The following CAMK4 variants were observed in gnomAD, a reference collection of about 807,000 sequenced individuals.
CAMK4 encodes calcium/calmodulin-dependent protein kinase type IV.
Under a neutral mutation model 44.9 loss-of-function variants are expected in CAMK4, and 22 were observed. That is an observed-to-expected ratio of 0.49 (90% CI 0.35 to 0.70). The LOEUF is 0.70. CAMK4 is among the 30% of genes least tolerant of loss of function. The pLI, the probability that CAMK4 is intolerant of heterozygous loss-of-function variation, is 0.01. For synonymous variants in CAMK4, 218 were observed against 215.4 expected (o/e 1.01, Z -0.11); for missense variants, 498 against 586.8 (o/e 0.85, Z 1.56).
intron 2 of CAMK4, among the ~76,000 whole-genome samples, chr5:111,356,446 T>C (rs1263328881): frequency 1.3e-5 from 2 of 152,254 alleles, no homozygotes; most frequent in South Asian, 4.1e-4. Context: ...TCTCCCATTT[T>C]GTAGGTTGCC....
In CAMK4 at chr5:111,449,161, C is replaced by G. The variant is rs751694743; in HGVS notation, c.583C>G (p.Gln195Glu). 1.9e-6 allele frequency: 3 copies of G among 1,582,690 alleles called. No homozygotes were observed. The highest frequency in any genetic ancestry group is 1.7e-5 in the Admixed American group (1 of 59,684). Reference sequence around the variant, plus strand: ...TGGACTCTCTAAAATTGTGGAACATCAAGTGCTCATGAAGACAGTATGTGG... The same window carrying G: ...TGGACTCTCTAAAATTGTGGAACATGAAGTGCTCATGAAGACAGTATGTGG... Reference protein sequence around the residue: ...DFGLSKIVEHQVLMKTVCGTP... With the variant: ...DFGLSKIVEHEVLMKTVCGTP... The change falls in exon 7 of 11, where the codon CAA becomes GAA. Residue 195 changes from glutamine (Q) to glutamate (E), a missense_variant. Coordinates refer to ENST00000282356, the MANE Select transcript of CAMK4 (RefSeq NM_001744.6).
chr5:111,400,461 A>G (rs909082768), intron 5 of CAMK4, among the ~76,000 whole-genome samples: 1 of 152,220 alleles, frequency 6.6e-6, no homozygotes, highest in East Asian at 1.9e-4. Context: ...GGTTGTTGAA[A>G]GCATAGAAGC....
intron 1 of CAMK4, among the ~76,000 whole-genome samples, chr5:111,310,268 T>A (rs2112668389): frequency 6.6e-6 from 1 of 152,294 alleles, no homozygotes; most frequent in South Asian, 2.1e-4. Flanking sequence ...AAACATCCAA[T>A]GTGTTTAGTA....
At position 111,387,062 on chromosome 5, in the gene CAMK4, G is replaced by A. The variant is rs137862259; in HGVS notation, c.387-7648G>A. Reference sequence around the variant, plus strand: ...TGACAATTATCTTAAAATGCTGGTAGCATCTTAACTGCTTCCTTATTATTT... The same window carrying A: ...TGACAATTATCTTAAAATGCTGGTAACATCTTAACTGCTTCCTTATTATTT... On this transcript the variant is annotated intron_variant, in intron 4 of 10. Transcript: ENST00000282356. 8.1e-3 allele frequency among the ~76,000 whole-genome samples: 1,237 copies of A among 152,306 alleles called. 10 individuals carry two copies. Among genetic ancestry groups the A allele is most frequent in the Middle Eastern group, 0.031 (9 of 294 alleles).
chr5:111,285,723 T>G (rs1021872667), intron 1 of CAMK4, among the ~76,000 whole-genome samples: 1 of 152,248 alleles, frequency 6.6e-6, no homozygotes, highest in Admixed American at 6.5e-5. Context: ...AATGGTGAGT[T>G]GCTTATGTTC....
chr5:111,393,248 C>G (rs1751874845), intron 4 of CAMK4, among the ~76,000 whole-genome samples: 1 of 152,152 alleles, frequency 6.6e-6, no homozygotes. Flanking sequence ...GAACATGCAA[C>G]TTCTTGTGAA....
At chr5:111,230,802 CT>C (rs2112494784) in intron 1 of CAMK4, among the ~76,000 whole-genome samples, 1 of 151,516 alleles carries the variant, frequency 6.6e-6, no homozygotes, top group East Asian at 1.9e-4. Flanking sequence ...TATTTTTTTT[CT>C]TTTTTTCCTC....
intron 5 of CAMK4, among the ~76,000 whole-genome samples, chr5:111,436,517 A>G (rs1029047653): frequency 3.3e-5 from 5 of 152,196 alleles, no homozygotes; most frequent in Admixed American, 6.5e-5. Flanking sequence ...CAGCAAAATG[A>G]TGCTTCATTC....
intron 2 of CAMK4, among the ~76,000 whole-genome samples, chr5:111,364,270 A>G (rs544333212): frequency 1.3e-5 from 2 of 152,174 alleles, no homozygotes; most frequent in East Asian, 1.9e-4. Flanking sequence ...GCAAGAGAAA[A>G]AAGTGCTGGG....
intron 4 of CAMK4, among the ~76,000 whole-genome samples, chr5:111,382,725 A>G (rs1751464501): frequency 6.6e-6 from 1 of 152,196 alleles, no homozygotes; most frequent in Admixed American, 6.5e-5. Context: ...CAGCTTATAT[A>G]TGATCTAATA....
In CAMK4 at chr5:111,429,666, C is replaced by G. The variant is rs779102081; in HGVS notation, c.460-17020C>G. Among the ~76,000 whole-genome samples, 8 of 150,196 alleles carry G rather than the reference C, an allele frequency of 5.3e-5. No homozygotes were observed. In the South Asian group the frequency reaches 6.3e-4, roughly 12 times the overall value. On this transcript the variant is annotated intron_variant, in intron 5 of 10. Coordinates refer to ENST00000282356, the MANE Select transcript of CAMK4 (RefSeq NM_001744.6). Reference sequence around the variant, plus strand: ...TGGTGTGCACTTATAGTCCCAGCTACTCAGGAGGCTGAGGTGGGAGGATTG... The same window carrying G: ...TGGTGTGCACTTATAGTCCCAGCTAGTCAGGAGGCTGAGGTGGGAGGATTG...
chr5:111,430,327 C>T (rs1753397291), intron 5 of CAMK4, among the ~76,000 whole-genome samples: 1 of 152,074 alleles, frequency 6.6e-6, no homozygotes, highest in African/African-American at 2.4e-5. Flanking sequence ...CTCAACATAA[C>T]CATATATGAC....
At chr5:111,443,279 T>TAC (rs60644060) in intron 5 of CAMK4, among the ~76,000 whole-genome samples, 849 of 37,420 alleles carry the variant, frequency 0.023, 15 homozygotes, top group Non-Finnish European at 0.032. Flanking sequence ...TATATATATA[T>TAC]ACACACACAC....
At chr5:111,461,300 A>C (rs952703421) in intron 7 of CAMK4, among the ~76,000 whole-genome samples, 1 of 152,210 alleles carries the variant, frequency 6.6e-6, no homozygotes, top group Admixed American at 6.5e-5. Context: ...GTAAGCTGAC[A>C]AGGCAGCTTC....
intron 7 of CAMK4, among the ~76,000 whole-genome samples, chr5:111,461,914 C>G (rs1007839201): frequency 6.8e-6 from 1 of 148,142 alleles, no homozygotes; most frequent in Non-Finnish European, 1.5e-5. Flanking sequence ...GCAAATAGAT[C>G]TTTTCCCATA....
chr5:111,246,111 A>G lies in CAMK4; in HGVS notation c.161+21467A>G, dbSNP rs116179130. Among the ~76,000 whole-genome samples the G allele has an allele frequency of 3.4e-3, 518 of 152,326 alleles. 4 individuals carry two copies. Among genetic ancestry groups the G allele is most frequent in the African/African-American group, 0.012 (492 of 41,572 alleles). ...TGTGTGGACGTGTTTTTCTGAAGCAAGTCACCACAGCTTTCATCGAATTCT... is the reference window on the plus strand; with the variant it reads ...TGTGTGGACGTGTTTTTCTGAAGCAGGTCACCACAGCTTTCATCGAATTCT... On this transcript the variant is annotated intron_variant, in intron 1 of 10. Coordinates refer to ENST00000282356, the MANE Select transcript of CAMK4 (RefSeq NM_001744.6).
chr5:111,418,838 A>G lies in CAMK4; in HGVS notation c.459+24056A>G, dbSNP rs199769883. 4.6e-5 allele frequency among the ~76,000 whole-genome samples: 7 copies of G among 152,174 alleles called. No homozygotes were observed. The East Asian group carries it at 1.2e-3, about 25-fold the overall frequency. ...GGGCCACATTTTCTTAATCCAGTCT[A>G]TTGTTGTTGGACATTTTGGTTGGTT... On this transcript the variant is annotated intron_variant, in intron 5 of 10. Transcript: ENST00000282356.
At chr5:111,277,144 A>C (rs1248049039) in intron 1 of CAMK4, among the ~76,000 whole-genome samples, 1 of 152,192 alleles carries the variant, frequency 6.6e-6, no homozygotes, top group Non-Finnish European at 1.5e-5. Flanking sequence ...ATGGATGATA[A>C]ATTTTGAGAA....
chr5:111,236,902 G>A (rs1490585611), intron 1 of CAMK4, among the ~76,000 whole-genome samples: 1 of 152,192 alleles, frequency 6.6e-6, no homozygotes, highest in African/African-American at 2.4e-5. Flanking sequence ...AACATTATGT[G>A]AATGAACAAA....
Sources: gnomAD v4.1 joint callset for allele counts (sites outside exome capture counted in the v4.1 genomes callset) on GRCh38, gnomAD v4.1.1 for gene constraint, MANE v1.5 for transcripts, NCBI Gene and HGNC (gene_info 2026-07-23, HGNC 2026-07-21) for gene names.